The following PARD3 variants were observed in gnomAD, a reference collection of about 807,000 sequenced individuals.
PARD3 encodes the protein par-3 family cell polarity regulator, also known as partitioning defective 3 homolog.
PARD3 carries 75 observed loss-of-function variants against 155.4 expected under a neutral mutation model. That is an observed-to-expected ratio of 0.48 (90% confidence interval 0.40 to 0.58). The LOEUF (loss-of-function observed/expected upper bound fraction) is 0.58. Ranked by LOEUF, PARD3 falls within the 20% of genes least tolerant of loss-of-function variation. The pLI, the probability that PARD3 is intolerant of heterozygous loss-of-function variation, is 0.00. For synonymous variants in PARD3, 576 were observed against 610.5 expected (o/e 0.94, Z 0.83); for missense variants, 1,642 against 1,721.7 (o/e 0.95, Z 0.82).
At chr10:34,389,928 G>A (rs61842500) in intron 7 of PARD3, among the ~76,000 whole-genome samples, 2 of 152,160 alleles carry the variant, frequency 1.3e-5, no homozygotes, top group African/African-American at 4.8e-5. Flanking sequence ...AATCACAGAT[G>A]TCATATTGCT....
At chr10:34,354,856 A>G (rs1382327504) in intron 14 of PARD3, among the ~76,000 whole-genome samples, 1 of 152,178 alleles carries the variant, frequency 6.6e-6, no homozygotes, top group Non-Finnish European at 1.5e-5. Context: ...AAGGGATTTC[A>G]GCAGGGACTG....
rs1589831633 is a variant in PARD3, at chr10:34,512,413, G to A, written c.403+4566C>T. Among the ~76,000 whole-genome samples the A allele has an allele frequency of 2.0e-5, 3 of 152,132 alleles. No homozygotes were observed. The South Asian group carries it at 6.2e-4, about 32-fold the overall frequency. On this transcript the variant is annotated intron_variant, in intron 3 of 24. Coordinates refer to ENST00000374788, the MANE Select transcript of PARD3 (RefSeq NM_001184785.2). ...CCACTGTCCCGTCTTTGGCCAGCAGGAGCATCGTGTTGTCTCCTAGGCCCT... is the reference window on the plus strand; with the variant it reads ...CCACTGTCCCGTCTTTGGCCAGCAGAAGCATCGTGTTGTCTCCTAGGCCCT...
chr10:34,755,575 T>C (rs1029824083), intron 1 of PARD3, among the ~76,000 whole-genome samples: 2 of 152,278 alleles, frequency 1.3e-5, no homozygotes, highest in African/African-American at 4.8e-5. Flanking sequence ...CTGGATCTGC[T>C]TGTAGTTAGC....
At chr10:34,355,941 AAAAAACAAAACAAAACC>A (rs1427145939) in intron 14 of PARD3, among the ~76,000 whole-genome samples, 3 of 131,952 alleles carry the variant, frequency 2.3e-5, no homozygotes, top group African/African-American at 1.2e-4. Flanking sequence ...AAAAAAAAAA[AAAAAACAAAACAAAACC>A]AAACAAAAAA....
intron 7 of PARD3, among the ~76,000 whole-genome samples, chr10:34,386,706 C>A (rs570707745): frequency 2.0e-5 from 3 of 151,712 alleles, no homozygotes; most frequent in African/African-American, 7.3e-5. Context: ...CCTGTAATCC[C>A]AGCTACTTGG....
intron 22 of PARD3, among the ~76,000 whole-genome samples, chr10:34,188,531 A>G (rs946388056): frequency 2.1e-4 from 32 of 152,200 alleles, no homozygotes; most frequent in African/African-American, 7.7e-4. Context: ...AGCCAACGGT[A>G]CATGCACATA....
At chr10:34,344,729 G>A in intron 15 of PARD3, 1 of 985,426 alleles carries the variant, frequency 1.0e-6, no homozygotes, top group Non-Finnish European at 1.2e-6. Context: ...ATCCATGATT[G>A]TGGAAATTCT....
At chr10:34,491,651 C>A (rs2079915454) in intron 3 of PARD3, among the ~76,000 whole-genome samples, 1 of 152,110 alleles carries the variant, frequency 6.6e-6, no homozygotes, top group Admixed American at 6.6e-5. Flanking sequence ...CAGGAAGTTT[C>A]AATAATAATC....
At chr10:34,285,551 G>A (rs1044717607) in intron 20 of PARD3, among the ~76,000 whole-genome samples, 1 of 151,388 alleles carries the variant, frequency 6.6e-6, no homozygotes, top group African/African-American at 2.4e-5. Flanking sequence ...GCTCCAGCCT[G>A]GGAAAAAGAG....
chr10:34,327,009 G>T (rs1835093383), intron 19 of PARD3, among the ~76,000 whole-genome samples: 1 of 152,204 alleles, frequency 6.6e-6, no homozygotes. Flanking sequence ...AAAACTGAGT[G>T]CAGGGCTTAC....
chr10:34,741,208 T>G (rs987233550), intron 1 of PARD3, among the ~76,000 whole-genome samples: 2 of 128,160 alleles, frequency 1.6e-5, no homozygotes, highest in African/African-American at 5.9e-5. Context: ...TGAGAGAGAG[T>G]GAGTCTCACT....
chr10:34,500,017 G>A (rs566186167), intron 3 of PARD3, among the ~76,000 whole-genome samples: 1 of 152,330 alleles, frequency 6.6e-6, no homozygotes, highest in South Asian at 2.1e-4. Context: ...TACATGTTCA[G>A]TACAGATGCA....
chr10:34,634,014 G>C (rs1206208432), intron 2 of PARD3, among the ~76,000 whole-genome samples: 1 of 152,142 alleles, frequency 6.6e-6, no homozygotes, highest in Non-Finnish European at 1.5e-5. Context: ...TCCAGCCTGA[G>C]TCCTCTGACC....
At chr10:34,486,342 G>T (rs2079468368) in intron 3 of PARD3, among the ~76,000 whole-genome samples, 1 of 152,168 alleles carries the variant, frequency 6.6e-6, no homozygotes, top group African/African-American at 2.4e-5. Context: ...TCTTGGCCAA[G>T]AATGGGTCCA....
chr10:34,251,366 C>T (rs1564519596), intron 22 of PARD3, among the ~76,000 whole-genome samples: 2 of 152,176 alleles, frequency 1.3e-5, no homozygotes, highest in African/African-American at 4.8e-5. Flanking sequence ...TGGCATCATA[C>T]GAACAATAGC....
chr10:34,315,745 G>C (rs1336396498), intron 20 of PARD3, among the ~76,000 whole-genome samples: 4 of 152,108 alleles, frequency 2.6e-5, no homozygotes, highest in African/African-American at 9.7e-5. Context: ...TATGATTCTT[G>C]AACACAGAGT....
chr10:34,405,582 TG>T lies in PARD3; in HGVS notation c.715-3666del, dbSNP rs1164008592. On this transcript the variant is annotated intron_variant, in intron 5 of 24. Transcript: ENST00000374788. ...ACATGGCAAGAAGAAGAAAACTTTGTGGGGTGGTGGTTGAAGACATTTTCAG... is the reference window on the plus strand; with the variant it reads ...ACATGGCAAGAAGAAGAAAACTTTGTGGGTGGTGGTTGAAGACATTTTCAG... Among the ~76,000 whole-genome samples the T allele has an allele frequency of 6.6e-5, 10 of 152,166 alleles. No homozygotes were observed. In the East Asian group the frequency reaches 1.9e-3, roughly 29 times the overall value.
intron 19 of PARD3, among the ~76,000 whole-genome samples, chr10:34,318,658 A>C (rs1298249525): frequency 6.6e-6 from 1 of 152,242 alleles, no homozygotes; most frequent in Admixed American, 6.5e-5. Context: ...AAATCTGAAA[A>C]GAGACTATCA....
rs931115934 is a variant in PARD3 at position 34,440,516 on chromosome 10, G to A, written c.714+9801C>T. On this transcript the variant is annotated intron_variant, in intron 5 of 24. Coordinates refer to ENST00000374788, the MANE Select transcript of PARD3 (RefSeq NM_001184785.2). The stretch of plus-strand genomic sequence containing the variant: ...TAAAAATGAAAATGTATCTTTCTCC[G>A]TAGTGCAAGCTCTAAATGTCTAGTT... Among the ~76,000 whole-genome samples, 15 of 152,206 alleles carry A rather than the reference G, an allele frequency of 9.9e-5. No individual in the cohort carries two copies. The East Asian group carries it at 1.7e-3, about 18-fold the overall frequency.
Sources: allele counts gnomAD v4.1 joint callset (sites outside exome capture counted in the v4.1 genomes callset), GRCh38; gene constraint gnomAD v4.1.1; transcripts MANE v1.5; gene names NCBI Gene and HGNC (gene_info 2026-07-23, HGNC 2026-07-21).